CFAP61: variants seen among roughly 807,000 people sequenced by gnomAD.
The protein encoded by CFAP61 is cilia and flagella associated protein 61, also known as cilia- and flagella-associated protein 61.
Under a neutral mutation model 135.6 loss-of-function variants are expected in CFAP61, and 107 were observed. The ratio of observed to expected loss-of-function variants is 0.79; its 90% confidence interval spans 0.67 to 0.93. The LOEUF is 0.93. CFAP61 is among the 40% of genes least tolerant of loss of function. The probability of loss-of-function intolerance (pLI) is 0.00; values close to 1 mark genes in which losing one functional copy is unlikely to be tolerated. For synonymous variants in CFAP61, 575 were observed against 578.5 expected (o/e 0.99, Z 0.09); for missense variants, 1,507 against 1,556.2 (o/e 0.97, Z 0.53).
chr20:20,161,938 C>G (rs1314031956), intron 10 of CFAP61, among the ~76,000 whole-genome samples: 2 of 152,138 alleles, frequency 1.3e-5, no homozygotes, highest in African/African-American at 2.4e-5. Flanking sequence ...ACACATTACC[C>G]CAAACTTGGT....
At chr20:20,339,429 G>T (rs896636333) in intron 25 of CFAP61, among the ~76,000 whole-genome samples, 1 of 151,920 alleles carries the variant, frequency 6.6e-6, no homozygotes, top group African/African-American at 2.4e-5. Context: ...CATAGAAATC[G>T]TTCAACCTGG....
intron 8 of CFAP61, among the ~76,000 whole-genome samples, chr20:20,123,357 T>C (rs1242632578): frequency 6.6e-6 from 1 of 151,868 alleles, no homozygotes; most frequent in Non-Finnish European, 1.5e-5. Flanking sequence ...AGCCAATGTC[T>C]AGAAGGGTTT....
chr20:20,268,535 A>AT (rs2052994561), intron 21 of CFAP61, among the ~76,000 whole-genome samples: 1 of 152,196 alleles, frequency 6.6e-6, no homozygotes, highest in Non-Finnish European at 1.5e-5. Context: ...TGGTTCTGTG[A>AT]TGGAATTAGT....
chr20:20,327,306 A>G (rs1211252202), intron 25 of CFAP61, among the ~76,000 whole-genome samples: 5 of 152,196 alleles, frequency 3.3e-5, no homozygotes. Context: ...TAGTGGAGAT[A>G]GTGCCCACCC....
At chr20:20,164,379 C>G in intron 11 of CFAP61, 151 bp downstream of exon 11, 1 of 747,502 alleles carries the variant, frequency 1.3e-6, no homozygotes. Flanking sequence ...TTCCTAAGCC[C>G]CATCCAGAGA....
chr20:20,075,611 G>A lies in CFAP61; in HGVS notation c.562G>A (p.Ala188Thr). The A allele has an allele frequency of 6.2e-7, 1 of 1,614,070 alleles. No homozygotes were observed. The highest frequency in any genetic ancestry group is 8.5e-7 in the Non-Finnish European group (1 of 1,179,942). Residue 188 changes from alanine to threonine, a missense_variant, in exon 6 of 27, where the codon GCC becomes ACC. By Grantham distance (58) the Ala-to-Thr change is moderately conservative (BLOSUM62 0). Transcript: ENST00000245957. Reference sequence around the variant, plus strand: ...CTATCCTCAGCTGCACGTTCGCAAAGCCAGGTACAGTTGGAGTCATGCCTT... The same window carrying A: ...CTATCCTCAGCTGCACGTTCGCAAAACCAGGTACAGTTGGAGTCATGCCTT... ...SHYPQLHVRK[A>T]RVEDHDDLMP...
intron 19 of CFAP61, among the ~76,000 whole-genome samples, chr20:20,247,613 G>A (rs998462525): frequency 2.6e-5 from 4 of 152,322 alleles, no homozygotes; most frequent in Non-Finnish European, 4.4e-5. Flanking sequence ...TGTAGCCAGT[G>A]GCTACCACAT....
intron 8 of CFAP61, among the ~76,000 whole-genome samples, chr20:20,125,349 T>G (rs1328275901): frequency 6.6e-6 from 1 of 151,678 alleles, no homozygotes; most frequent in African/African-American, 2.4e-5. Context: ...TTGATGTAGG[T>G]GTTTAAGGCT....
At chr20:20,357,161 A>G (rs1323983126) in intron 26 of CFAP61, among the ~76,000 whole-genome samples, 19 of 102,678 alleles carry the variant, frequency 1.9e-4, no homozygotes, top group African/African-American at 6.0e-4. Flanking sequence ...CACTGAGGGG[A>G]GGTGGTCACA....
At chr20:20,351,288 TC>T (rs2058823852) in intron 26 of CFAP61, among the ~76,000 whole-genome samples, 1 of 151,820 alleles carries the variant, frequency 6.6e-6, no homozygotes, top group Non-Finnish European at 1.5e-5. Flanking sequence ...CATACAAAAG[TC>T]AGTAGTGTTG....
intron 8 of CFAP61, among the ~76,000 whole-genome samples, chr20:20,130,579 T>C (rs1178236959): frequency 2.0e-5 from 3 of 151,782 alleles, no homozygotes; most frequent in African/African-American, 7.3e-5. Context: ...ACCTGCTGAC[T>C]TTCTTTTTTT....
intron 17 of CFAP61, among the ~76,000 whole-genome samples, chr20:20,216,878 G>A (rs2048074242): frequency 6.6e-6 from 1 of 151,870 alleles, no homozygotes; most frequent in Admixed American, 6.6e-5. Context: ...CTGATCTGAT[G>A]TGAAGTATCT....
chr20:20,302,432 C>T (rs940887661), intron 25 of CFAP61, among the ~76,000 whole-genome samples: 3 of 152,134 alleles, frequency 2.0e-5, no homozygotes, highest in African/African-American at 4.8e-5. Context: ...GAGGCCGAGG[C>T]GGGCAGATCA....
intron 15 of CFAP61, among the ~76,000 whole-genome samples, chr20:20,195,552 C>G (rs2056223174): frequency 6.6e-6 from 1 of 152,166 alleles, no homozygotes; most frequent in Admixed American, 6.5e-5. Flanking sequence ...AGCATGGAGA[C>G]CTGGGATCCC....
chr20:20,304,808 C>T (rs555893736), intron 25 of CFAP61, among the ~76,000 whole-genome samples: 1 of 152,122 alleles, frequency 6.6e-6, no homozygotes, highest in Non-Finnish European at 1.5e-5. Context: ...TCTTGAGATG[C>T]CGCCTGTCAG....
intron 26 of CFAP61, among the ~76,000 whole-genome samples, chr20:20,356,548 C>T (rs1569333258): frequency 8.7e-4 from 75 of 85,788 alleles, no homozygotes; most frequent in Non-Finnish European, 1.3e-3. Flanking sequence ...GAGGTGGTCA[C>T]ACTGAGGGGA....
chr20:20,067,535 G>A (rs761191493), intron 2 of CFAP61, among the ~76,000 whole-genome samples: 20 of 150,974 alleles, frequency 1.3e-4, no homozygotes, highest in Admixed American at 6.0e-4. Flanking sequence ...GCAGCTACTC[G>A]GGAGGCTGAG....
chr20:20,128,854 C>T (rs1259778743), intron 8 of CFAP61, among the ~76,000 whole-genome samples: 1 of 151,532 alleles, frequency 6.6e-6, no homozygotes, highest in East Asian at 1.9e-4. Context: ...GACAGCTTAC[C>T]TTCGATCACA....
intron 18 of CFAP61, among the ~76,000 whole-genome samples, chr20:20,231,988 G>A (rs954228040): frequency 1.3e-5 from 2 of 152,084 alleles, no homozygotes; most frequent in African/African-American, 4.8e-5. Flanking sequence ...ACACTATGAT[G>A]TCACATGTGC....
Sources: allele counts gnomAD v4.1 joint callset (sites outside exome capture counted in the v4.1 genomes callset), GRCh38; gene constraint gnomAD v4.1.1; transcripts MANE v1.5; gene names NCBI Gene and HGNC (gene_info 2026-07-23, HGNC 2026-07-21).